The following MRTFB variants were observed in gnomAD, a reference collection of about 807,000 sequenced individuals.
MRTFB encodes the protein myocardin-related transcription factor B.
Under a neutral mutation model 104.2 loss-of-function variants are expected in MRTFB, and 29 were observed. The observed-to-expected ratio is 0.28, with a 90% CI of 0.21 to 0.38. MRTFB has a LOEUF of 0.38. MRTFB is among the 10% of genes least tolerant of loss of function. The pLI is 1.00. For missense variants in MRTFB, 1,270 were observed against 1,341.6 expected (o/e 0.95, Z 0.83); for synonymous variants, 535 against 519.5 (o/e 1.03, Z -0.41).
intron 2 of MRTFB, among the ~76,000 whole-genome samples, chr16:14,114,981 AT>A (rs2036467056): frequency 6.6e-6 from 1 of 152,214 alleles, no homozygotes; most frequent in East Asian, 1.9e-4. Context: ...GGATGAATGA[AT>A]GAGAGTGAGT....
chr16:14,023,449 G>A, the MRTFB span, among the ~76,000 whole-genome samples: 3 of 151,736 alleles, frequency 2.0e-5, no homozygotes, highest in Admixed American at 2.0e-4. Flanking sequence ...TGGCTCTGGA[G>A]CCTGATGGCC....
chr16:14,245,583 C>G lies in MRTFB; in HGVS notation c.1135C>G (p.Pro379Ala), dbSNP rs1195652085. 4 of 1,614,052 alleles carry G rather than the reference C, an allele frequency of 2.5e-6. No homozygotes were observed. Among genetic ancestry groups the G allele is most frequent in the Non-Finnish European group, 3.4e-6 (4 of 1,179,974 alleles). Residue 379 changes from proline to alanine, a missense_variant, in exon 11 of 17, where the codon CCT becomes GCT. Physicochemically the swap from Pro to Ala is conservative, Grantham distance 27. Around this residue, in one of 3 missense-constraint regions of MRTFB, gnomAD observed 1,144 missense variants for 1,131.5 expected, o/e 1.01. Transcript: ENST00000571589. ...SGNSALNNAT[P>A]NTPRQNTSTP... ...GAATTCAGCTTTGAACAATGCCACA[C>G]CTAACACACCAAGACAGAATACATC...
At chr16:14,122,644 G>A (rs909448453) in intron 2 of MRTFB, among the ~76,000 whole-genome samples, 9 of 152,158 alleles carry the variant, frequency 5.9e-5, no homozygotes, top group African/African-American at 9.6e-5. Context: ...ATAGTATTCC[G>A]TGGTGTATAT....
chr16:14,064,907 G>A, the MRTFB span, among the ~76,000 whole-genome samples: 6 of 152,138 alleles, frequency 3.9e-5, no homozygotes, highest in East Asian at 1.2e-3. Context: ...CTTTGGCTTT[G>A]TTCTTTTTGC....
chr16:14,107,718 T>C (rs1039026470), intron 2 of MRTFB, among the ~76,000 whole-genome samples: 2 of 152,298 alleles, frequency 1.3e-5, no homozygotes, highest in African/African-American at 4.8e-5. Flanking sequence ...CTCCGTGAGC[T>C]TTAGGCTTAT....
At chr16:14,035,364 G>A in the MRTFB span, among the ~76,000 whole-genome samples, 1 of 152,142 alleles carries the variant, frequency 6.6e-6, no homozygotes, top group South Asian at 2.1e-4. Flanking sequence ...TCTGCAGGCA[G>A]CACAGCCCGC....
At chr16:14,111,810 C>A (rs1192372094) in intron 2 of MRTFB, among the ~76,000 whole-genome samples, 5 of 152,282 alleles carry the variant, frequency 3.3e-5, no homozygotes, top group Admixed American at 1.3e-4. Flanking sequence ...TACCTTTCAC[C>A]CTCAATTGAT....
intron 3 of MRTFB, among the ~76,000 whole-genome samples, chr16:14,208,110 C>T (rs1045719200): frequency 1.5e-4 from 23 of 152,176 alleles, no homozygotes; most frequent in Admixed American, 1.4e-3. Flanking sequence ...GACACGCATC[C>T]GTGTTGTATG....
At chr16:14,067,734 T>C (rs2033538582), upstream of MRTFB, among the ~76,000 whole-genome samples, 1 of 152,216 alleles carries the variant, frequency 6.6e-6, no homozygotes, top group Non-Finnish European at 1.5e-5. Flanking sequence ...TATCCTTTCA[T>C]GACTAGGGGG....
chr16:14,264,397 A>G lies in MRTFB; in HGVS notation c.*2953A>G, dbSNP rs1202063685. ...TCTGTAAAGTCTTTGAAAGTCTAGG[A>G]GTAGGTGGTCATCTTGTACATTTCA... On this transcript the variant is annotated 3_prime_UTR_variant, in exon 17 of 17. Coordinates refer to ENST00000571589, the MANE Select transcript of MRTFB (RefSeq NM_001308142.2). 1.3e-5 allele frequency: 2 copies of G among 152,164 alleles called. No homozygotes were observed. Among genetic ancestry groups the G allele is most frequent in the Non-Finnish European group, 2.9e-5 (2 of 68,036 alleles). The allele number at this position is 152,164 out of a possible 1,614,324, so 9.4% of individuals were successfully genotyped here.
At chr16:14,248,654 T>C (rs1217860890) in intron 12 of MRTFB, 21 of 343,026 alleles carry the variant, frequency 6.1e-5, no homozygotes, top group Non-Finnish European at 5.4e-5. Flanking sequence ...TAGGTTCTTA[T>C]TATTTCCATT....
At chr16:14,014,970 T>C in the MRTFB span, among the ~76,000 whole-genome samples, 3 of 152,208 alleles carry the variant, frequency 2.0e-5, no homozygotes, top group Non-Finnish European at 2.9e-5. Context: ...CCTGCCTCTT[T>C]TTTTGTTTAA....
At chr16:14,052,548 G>A in the MRTFB span, among the ~76,000 whole-genome samples, 1 of 152,046 alleles carries the variant, frequency 6.6e-6, no homozygotes, top group Admixed American at 6.6e-5. Flanking sequence ...AGACCAACCT[G>A]ACCAACATGG....
At position 14,246,678 on chromosome 16, in the gene MRTFB, C is replaced by A. The variant is rs369486021; in HGVS notation, c.1418C>A (p.Thr473Asn). The A allele has an allele frequency of 5.6e-6, 9 of 1,614,108 alleles. No individual in the cohort carries two copies. In the East Asian group the frequency reaches 2.0e-4, roughly 36 times the overall value. Residue 473 changes from threonine to asparagine, a missense_variant, in exon 12 of 17, where the codon ACT (threonine) becomes AAT (asparagine). Transcript: ENST00000571589. Reference protein sequence around the residue: ...VALPVTTLHNTVTSSVSTLKA... With the variant: ...VALPVTTLHNNVTSSVSTLKA... ...TTGCCGGTTACAACACTACACAACA[C>A]TGTGACTAGCTCAGTCTCTACTCTC... is the stretch of plus-strand genomic sequence containing the variant.
chr16:14,137,767 T>C (rs1446304818), intron 2 of MRTFB, among the ~76,000 whole-genome samples: 2 of 152,140 alleles, frequency 1.3e-5, no homozygotes, highest in African/African-American at 4.8e-5. Flanking sequence ...TTCTATCCAT[T>C]TTCCACCCTA....
At chr16:14,199,687 C>T (rs1438774647) in intron 3 of MRTFB, among the ~76,000 whole-genome samples, 2 of 152,194 alleles carry the variant, frequency 1.3e-5, no homozygotes, top group Admixed American at 6.5e-5. Flanking sequence ...CATCTCTCAG[C>T]CATGATGGAG....
chr16:14,120,070 C>T (rs1239811411), intron 2 of MRTFB, among the ~76,000 whole-genome samples: 2 of 152,154 alleles, frequency 1.3e-5, no homozygotes, highest in African/African-American at 2.4e-5. Context: ...ATTTGGGCAT[C>T]ACTTCTTATG....
Position 14,260,925 on chromosome 16 carries a change from A to G in MRTFB, c.2781A>G (p.Ile927Met), listed in dbSNP as rs1334982403. 6.2e-7 allele frequency: 1 copy of G among 1,604,278 alleles called. No homozygotes were observed. The highest frequency in any genetic ancestry group is 1.7e-5 in the Admixed American group (1 of 58,830). Reference sequence around the variant, plus strand: ...TTTACACAGAGATCTCCCTCCCCATAAAAGAAGAACCTTCTCCTATTTCCA... The same window carrying G: ...TTTACACAGAGATCTCCCTCCCCATGAAAGAAGAACCTTCTCCTATTTCCA... ...LIKSGEISLP[I>M]KEEPSPISKM... is the part of the protein sequence containing the mutation. Residue 927 changes from isoleucine (I) to methionine (M), a missense_variant, in exon 17 of 17, where the codon ATA (isoleucine) becomes ATG (methionine). Coordinates refer to ENST00000571589, the MANE Select transcript of MRTFB (RefSeq NM_001308142.2).
upstream of MRTFB, among the ~76,000 whole-genome samples, chr16:14,066,707 C>G (rs573778021): frequency 6.6e-6 from 1 of 152,258 alleles, no homozygotes; most frequent in East Asian, 1.9e-4. Flanking sequence ...TGGTCTCTCT[C>G]TCATGCCCAG....
Sources: allele counts gnomAD v4.1 joint callset (sites outside exome capture counted in the v4.1 genomes callset), GRCh38; gene constraint gnomAD v4.1.1; regional missense constraint gnomAD v4.1.1; transcripts MANE v1.5; gene names NCBI Gene and HGNC (gene_info 2026-07-23, HGNC 2026-07-21).